CYREN: variants seen among roughly 807,000 people sequenced by gnomAD.
The protein encoded by CYREN is cell cycle regulator of NHEJ.
In CYREN, 7 loss-of-function variants were observed where a neutral mutation model predicts 9.7. The ratio of observed to expected loss-of-function variants is 0.72; its 90% CI spans 0.41 to 1.36. The LOEUF (loss-of-function observed/expected upper bound fraction) is 1.36. CYREN is among the 40% of genes most tolerant of loss of function. CYREN has a pLI of 0.01. For missense variants in CYREN, 215 were observed against 198.1 expected, an observed-to-expected ratio of 1.09 and a Z score of -0.51; for synonymous variants, 76 against 77.9, an observed-to-expected ratio of 0.98 and a Z score of 0.13.
intron 2 of CYREN, among the ~76,000 whole-genome samples, chr7:135,101,922 T>C (rs1823894160): frequency 6.6e-6 from 1 of 152,150 alleles, no homozygotes; most frequent in East Asian, 1.9e-4. Flanking sequence ...TGATAGTAAA[T>C]AAGTCTCACG....
intron 2 of CYREN, among the ~76,000 whole-genome samples, chr7:135,159,981 C>T (rs1360822703): frequency 1.3e-5 from 2 of 152,114 alleles, no homozygotes; most frequent in South Asian, 2.1e-4. Flanking sequence ...GCATTCATAG[C>T]ATTATAAAAT....
chr7:135,148,297 A>G (rs1490770739), intron 2 of CYREN: 1 of 354,362 alleles, frequency 2.8e-6, no homozygotes, highest in African/African-American at 2.1e-5. Flanking sequence ...CAAGCATCAC[A>G]GCTTACCCAG....
At chr7:135,168,625 C>T (rs925766271) in intron 2 of CYREN, 161 bp downstream of exon 2, 23 of 1,166,448 alleles carry the variant, frequency 2.0e-5, no homozygotes, top group African/African-American at 3.1e-5. Context: ...CTTTGCCTCC[C>T]GCCCACAGCC....
intron 2 of CYREN, among the ~76,000 whole-genome samples, chr7:135,106,546 C>T (rs1311502907): frequency 6.6e-6 from 1 of 152,194 alleles, no homozygotes; most frequent in Non-Finnish European, 1.5e-5. Context: ...ACCAAACTTG[C>T]ATCCCAGGAA....
rs899382038 is a variant in CYREN, at chr7:135,169,071, C to T, written c.-138-11G>A. The T allele has an allele frequency of 2.1e-5, 16 of 753,616 alleles. No homozygotes were observed. Among genetic ancestry groups the T allele is most frequent in the African/African-American group, 1.6e-4 (9 of 56,026 alleles). The allele number at this position is 753,616 out of a possible 1,614,324, so 46.7% of individuals were successfully genotyped here. A position where few individuals can be genotyped will look rare whatever the true frequency, so the allele number is the denominator to read the frequency against. On this transcript the variant is annotated splice_polypyrimidine_tract_variant and intron_variant, in intron 1 of 3. Transcript: ENST00000393114. ...GTTGATCTTTGATTCCTACAAAGAA[C>T]AATAAAGTCCGGTGAATTCCCATAC...
At position 135,134,631 on chromosome 7, in the gene CYREN, C is replaced by T. The variant is rs556335506; in HGVS notation, n.356+34118G>A. Among the ~76,000 whole-genome samples the T allele has an allele frequency of 4.6e-5, 7 of 151,776 alleles. No homozygotes were observed. The South Asian group carries it at 1.5e-3, about 32-fold the overall frequency. ...GTAGGTATCCAAATAAACATATCCTCTAGGCATTTAGAAATACAGGATTGG... is the reference window on the plus strand; with the variant it reads ...GTAGGTATCCAAATAAACATATCCTTTAGGCATTTAGAAATACAGGATTGG... On this transcript the variant is annotated intron_variant and non_coding_transcript_variant, in intron 2 of 2. Coordinates refer to the CYREN transcript ENST00000459937.
chr7:135,142,330 T>C (rs951618802), intron 2 of CYREN, among the ~76,000 whole-genome samples: 4 of 152,172 alleles, frequency 2.6e-5, no homozygotes, highest in African/African-American at 9.7e-5. Context: ...CCTTATGATT[T>C]TCTTAATAGT....
chr7:135,115,820 A>G (rs552240538), intron 2 of CYREN: 3 of 492,624 alleles, frequency 6.1e-6, no homozygotes, highest in East Asian at 3.2e-5. Context: ...TTAATTGATT[A>G]TTTGCATGAA....
chr7:135,106,955 T>C (rs1306358596), intron 2 of CYREN, among the ~76,000 whole-genome samples: 1 of 152,184 alleles, frequency 6.6e-6, no homozygotes, highest in Non-Finnish European at 1.5e-5. Context: ...GGTGTATATA[T>C]CCAGGAATTT....
intron 2 of CYREN, among the ~76,000 whole-genome samples, chr7:135,159,453 C>T (rs1829874721): frequency 6.6e-6 from 1 of 152,178 alleles, no homozygotes; most frequent in Admixed American, 6.5e-5. Flanking sequence ...AAATTAATCT[C>T]CTGAGAATAC....
At chr7:135,163,169 T>C (rs1829991282), downstream of CYREN, among the ~76,000 whole-genome samples, 1 of 152,228 alleles carries the variant, frequency 6.6e-6, no homozygotes, top group African/African-American at 2.4e-5. Context: ...ATTGATCATG[T>C]TTTTGAAGAA....
At chr7:135,133,504 A>G (rs1168911799) in intron 2 of CYREN, among the ~76,000 whole-genome samples, 1 of 152,214 alleles carries the variant, frequency 6.6e-6, no homozygotes, top group African/African-American at 2.4e-5. Context: ...GGGAGAGATC[A>G]GTCTATCTGA....
chr7:135,094,593 GAGA>G (rs1454321822), intron 2 of CYREN: 4 of 454,028 alleles, frequency 8.8e-6, no homozygotes, highest in Middle Eastern at 3.4e-4. Flanking sequence ...CTGGAAAGGG[GAGA>G]AGAAGAGTAA....
At chr7:135,148,963 GA>G (rs1829608290) in intron 2 of CYREN, among the ~76,000 whole-genome samples, 2 of 152,046 alleles carry the variant, frequency 1.3e-5, no homozygotes, top group African/African-American at 4.8e-5. Context: ...AGGCTCCTTT[GA>G]AAGAGGGAAA....
downstream of CYREN, among the ~76,000 whole-genome samples, chr7:135,161,731 A>G (rs1829944196): frequency 6.6e-6 from 1 of 152,138 alleles, no homozygotes; most frequent in Non-Finnish European, 1.5e-5. This position sits in a 1 kb window ranked among gnomAD's most constrained non-coding sequence, Gnocchi z 4.1. Flanking sequence ...TCTCAACTAC[A>G]TTCAAACCCG....
intron 2 of CYREN, chr7:135,168,531 G>C (rs1328902417): frequency 3.9e-6 from 2 of 509,410 alleles, no homozygotes; most frequent in African/African-American, 2.0e-5. Context: ...GGCTGACATG[G>C]AGAACCCACT....
At chr7:135,143,560 G>A (rs1422978936) in intron 2 of CYREN, among the ~76,000 whole-genome samples, 1 of 152,176 alleles carries the variant, frequency 6.6e-6, no homozygotes, top group Non-Finnish European at 1.5e-5. Flanking sequence ...CTGAGGGTAT[G>A]TGTAGGAATT....
At chr7:135,167,454 T>C (rs1419237062) in intron 3 of CYREN, 3 of 1,296,192 alleles carry the variant, frequency 2.3e-6, no homozygotes, top group South Asian at 2.1e-5. Context: ...CCCATCCACA[T>C]ACACACCAGT....
intron 3 of CYREN, chr7:135,167,370 AGG>A: frequency 8.1e-6 from 9 of 1,114,654 alleles, no homozygotes; most frequent in Non-Finnish European, 9.9e-6. Context: ...TGCTCAGGAG[AGG>A]GGCAATGGCT....
Sources: allele counts gnomAD v4.1 joint callset (sites outside exome capture counted in the v4.1 genomes callset), GRCh38; gene constraint gnomAD v4.1.1; non-coding constraint Gnocchi (gnomAD v3.1); transcripts MANE v1.5; gene names NCBI Gene and HGNC (gene_info 2026-07-23, HGNC 2026-07-21).